RGPD2: variants seen among roughly 807,000 people sequenced by gnomAD.
The protein encoded by RGPD2 is RANBP2 like and GRIP domain containing 2, also known as RANBP2-like and GRIP domain-containing protein 2.
RGPD2 carries 2 observed loss-of-function variants against 36.0 expected under a neutral mutation model. The ratio of observed to expected loss-of-function variants is 0.06; its 90% CI spans 0.02 to 0.17. The LOEUF (loss-of-function observed/expected upper bound fraction) is 0.17. Ranked by LOEUF, RGPD2 falls within the 10% of genes least tolerant of loss-of-function variation. RGPD2 has a pLI of 1.00. For missense variants in RGPD2, 40 were observed against 464.3 expected (o/e 0.09, Z 8.40); for synonymous variants, 19 against 163.8 (o/e 0.12, Z 6.75).
chr2:87,988,546 T>C, the RGPD2 span, among the ~76,000 whole-genome samples: 1 of 97,086 alleles, frequency 1.0e-5, no homozygotes, highest in Non-Finnish European at 2.3e-5. Flanking sequence ...TATATATTTT[T>C]TTTTTTTCTT....
At chr2:87,768,958 A>T (rs1489967094) in intron 22 of RGPD2, among the ~76,000 whole-genome samples, 39 of 1,762 alleles carry the variant, frequency 0.022, no homozygotes, top group African/African-American at 0.037. Flanking sequence ...TGTAGTTTAC[A>T]TTTTTTTTTT....
chr2:87,972,037 TA>T, the RGPD2 span, among the ~76,000 whole-genome samples: 1 of 150,966 alleles, frequency 6.6e-6, no homozygotes, highest in Non-Finnish European at 1.5e-5. Context: ...GAACATAGAT[TA>T]GGAAGTCAAG....
the RGPD2 span, among the ~76,000 whole-genome samples, chr2:87,957,753 T>G: frequency 5.9e-5 from 9 of 152,302 alleles, no homozygotes; most frequent in South Asian, 4.1e-4. Context: ...CACTTCTTCA[T>G]TGTGGTTTTC....
At chr2:87,977,795 T>C in the RGPD2 span, among the ~76,000 whole-genome samples, 2 of 152,238 alleles carry the variant, frequency 1.3e-5, no homozygotes, top group Non-Finnish European at 2.9e-5. Flanking sequence ...ATACACAATA[T>C]GCCTTAATTT....
At chr2:87,921,086 A>G in the RGPD2 span, among the ~76,000 whole-genome samples, 1 of 150,352 alleles carries the variant, frequency 6.7e-6, no homozygotes, top group South Asian at 2.1e-4. Flanking sequence ...CCTAGACAAA[A>G]GAGTTTGGAA....
At chr2:87,842,974 T>C in the RGPD2 span, among the ~76,000 whole-genome samples, 1 of 150,106 alleles carries the variant, frequency 6.7e-6, no homozygotes, top group Non-Finnish European at 1.5e-5. Context: ...GATTCCCTAT[T>C]TAATAAATGG....
chr2:87,986,856 G>A, the RGPD2 span, among the ~76,000 whole-genome samples: 1 of 144,164 alleles, frequency 6.9e-6, no homozygotes, highest in African/African-American at 2.6e-5. Context: ...CTCCAGCCTG[G>A]ATGACTACAG....
At chr2:87,921,459 G>A in the RGPD2 span, among the ~76,000 whole-genome samples, 1 of 152,120 alleles carries the variant, frequency 6.6e-6, no homozygotes, top group Non-Finnish European at 1.5e-5. Flanking sequence ...TTTTACAAGT[G>A]AGGAGTATCT....
the RGPD2 span, among the ~76,000 whole-genome samples, chr2:87,876,548 T>A: frequency 6.6e-6 from 1 of 152,416 alleles, no homozygotes; most frequent in Non-Finnish European, 1.5e-5. Flanking sequence ...TTGAGTTCAT[T>A]TCTTAATTTT....
the RGPD2 span, among the ~76,000 whole-genome samples, chr2:87,909,119 T>C: frequency 6.6e-6 from 1 of 151,392 alleles, no homozygotes; most frequent in East Asian, 2.0e-4. Context: ...AGTTCTCCCA[T>C]GAGGAGCATT....
At chr2:87,832,773 T>G in the RGPD2 span, among the ~76,000 whole-genome samples, 3,700 of 151,078 alleles carry the variant, frequency 0.024, 143 homozygotes, top group East Asian at 0.17. Flanking sequence ...CTGGGCAACA[T>G]AGCGAGAACC....
the RGPD2 span, among the ~76,000 whole-genome samples, chr2:87,958,127 C>T: frequency 2.0e-5 from 3 of 151,902 alleles, no homozygotes; most frequent in African/African-American, 7.2e-5. Flanking sequence ...CTTATACCTA[C>T]AAATTACGTA....
the RGPD2 span, among the ~76,000 whole-genome samples, chr2:87,873,820 TG>T: frequency 6.8e-6 from 1 of 147,248 alleles, no homozygotes; most frequent in Non-Finnish European, 1.5e-5. Context: ...GAGGACAGCA[TG>T]GAAAAAAACC....
chr2:87,839,545 G>T, the RGPD2 span, among the ~76,000 whole-genome samples: 1 of 152,014 alleles, frequency 6.6e-6, no homozygotes, highest in Non-Finnish European at 1.5e-5. Flanking sequence ...TGGAGGACTG[G>T]ATAAAGAGAA....
At chr2:87,973,336 G>C in the RGPD2 span, among the ~76,000 whole-genome samples, 4 of 123,458 alleles carry the variant, frequency 3.2e-5, no homozygotes, top group African/African-American at 5.6e-5. Flanking sequence ...TCCTGCCTCC[G>C]GTGAGGGTGA....
At chr2:87,845,006 C>G in the RGPD2 span, among the ~76,000 whole-genome samples, 4 of 104,698 alleles carry the variant, frequency 3.8e-5, no homozygotes, top group Admixed American at 4.6e-4. Flanking sequence ...TTCTTATTGT[C>G]TGAGCAATAC....
chr2:87,769,386 A>G (rs1423437152), intron 22 of RGPD2, among the ~76,000 whole-genome samples: 1 of 151,994 alleles, frequency 6.6e-6, no homozygotes, highest in Non-Finnish European at 1.5e-5. Context: ...ACAAGTAGGA[A>G]ATAATCTTTA....
the RGPD2 span, among the ~76,000 whole-genome samples, chr2:87,875,324 G>A: frequency 6.6e-6 from 1 of 152,164 alleles, no homozygotes; most frequent in Non-Finnish European, 1.5e-5. Flanking sequence ...CATTTAGTGT[G>A]ATATTGGCTG....
chr2:87,820,094 C>T lies in RGPD2; in HGVS notation c.73-1471G>A, dbSNP rs1686347020. 1.9e-4 allele frequency among the ~76,000 whole-genome samples: 3 copies of T among 15,940 alleles called. No homozygotes were observed. The South Asian group carries it at 7.1e-3, about 38-fold the overall frequency. 10.5% of individuals were successfully genotyped at this position (15,940 alleles called of 152,430 possible). A position where few individuals can be genotyped will look rare whatever the true frequency, so the allele number is the denominator to read the frequency against. On this transcript the variant is annotated intron_variant, in intron 1 of 22. Coordinates refer to ENST00000398146, the MANE Select transcript of RGPD2 (RefSeq NM_001078170.3). ...GCAGTGGGCCAAGACCGCACCACTG[C>T]ACTCCAGCCTGGGCAACAGAATGAT...
Sources: gnomAD v4.1 joint callset for allele counts (sites outside exome capture counted in the v4.1 genomes callset) on GRCh38, gnomAD v4.1.1 for gene constraint, MANE v1.5 for transcripts, NCBI Gene and HGNC (gene_info 2026-07-23, HGNC 2026-07-21) for gene names.